ORC2: variants seen among roughly 807,000 people sequenced by gnomAD.
ORC2 encodes the protein origin recognition complex protein 2 homolog.
A neutral mutation model predicts 77.7 loss-of-function variants in ORC2; 37 were observed. That is an observed-to-expected ratio of 0.48 (90% CI 0.37 to 0.63). The LOEUF (loss-of-function observed/expected upper bound fraction) is 0.63, where lower values mean the gene tolerates loss of function less well. Ranked by LOEUF, ORC2 falls within the 20% of genes least tolerant of loss-of-function variation. The pLI is 0.00. For missense variants in ORC2, 557 were observed against 661.9 expected (o/e 0.84, Z 1.74); for synonymous variants, 201 against 229.5 (o/e 0.88, Z 1.12).
chr2:200,913,163 C>G, intron 17 of ORC2, 132 bp downstream of exon 17: 1 of 578,762 alleles, frequency 1.7e-6, no homozygotes, highest in Non-Finnish European at 2.9e-6. Flanking sequence ...ATGGCACATC[C>G]CCTAAATGAA....
intron 5 of ORC2, among the ~76,000 whole-genome samples, chr2:200,945,424 G>A (rs575290164): frequency 3.3e-5 from 5 of 150,800 alleles, no homozygotes; most frequent in African/African-American, 9.8e-5. Context: ...AGGTGTGGTG[G>A]CGTGTGACTT....
chr2:200,958,756 C>T (rs1003226467), intron 2 of ORC2, among the ~76,000 whole-genome samples: 1 of 152,196 alleles, frequency 6.6e-6, no homozygotes, highest in Admixed American at 6.5e-5. Context: ...ACACTCAGTT[C>T]CTCACTGAAC....
chr2:200,933,488 A>T (rs943709359), intron 10 of ORC2, among the ~76,000 whole-genome samples: 1 of 152,242 alleles, frequency 6.6e-6, no homozygotes, highest in African/African-American at 2.4e-5. Context: ...CCTGATGATT[A>T]TCATAGATCC....
rs1381802066 is a variant in ORC2, at chr2:200,913,469, T to C, written c.1529-56A>G. 10 of 1,512,618 alleles carry C rather than the reference T, an allele frequency of 6.6e-6. No homozygotes were observed. The Admixed American group carries it at 1.0e-4, about 15-fold the overall frequency. 93.7% of individuals were successfully genotyped at this position (1,512,618 alleles called of 1,614,324 possible). A position where few individuals can be genotyped will look rare whatever the true frequency, so the allele number is the denominator to read the frequency against. On this transcript the variant is annotated intron_variant, in intron 16 of 17. Coordinates refer to ENST00000234296, the MANE Select transcript of ORC2 (RefSeq NM_006190.5). Reference sequence around the variant, plus strand: ...TCAGCACTTAAGACATGACCCAATATACAAACACCCATACAAAAGAACAGA... The same window carrying C: ...TCAGCACTTAAGACATGACCCAATACACAAACACCCATACAAAAGAACAGA...
chr2:200,925,795 TAACTTTACTCTAA>T (rs1264461710), intron 13 of ORC2, 28 bp downstream of exon 13: 1 of 875,666 alleles, frequency 1.1e-6, no homozygotes, highest in East Asian at 2.5e-5. Context: ...AGTATATGCT[TAACTTTACTCTAA>T]AACTACCGAG....
chr2:200,939,784 G>T (rs905502729), intron 7 of ORC2, among the ~76,000 whole-genome samples: 5 of 152,098 alleles, frequency 3.3e-5, no homozygotes, highest in Admixed American at 1.3e-4. Context: ...GGTTTTTCTG[G>T]TTTTTTGGGA....
intron 15 of ORC2, among the ~76,000 whole-genome samples, chr2:200,919,461 C>G (rs746638438): frequency 2.0e-5 from 3 of 152,170 alleles, no homozygotes; most frequent in Non-Finnish European, 4.4e-5. Flanking sequence ...TGGGTTCAAG[C>G]AATTCTCCGG....
chr2:200,954,534 G>A (rs146983830), intron 4 of ORC2, among the ~76,000 whole-genome samples: 5 of 152,318 alleles, frequency 3.3e-5, no homozygotes, highest in Non-Finnish European at 5.9e-5. Flanking sequence ...GCCCATGCAT[G>A]TATGAACAGA....
rs869195693 is a variant in ORC2 at position 200,928,038 on chromosome 2, T to TA, written c.918-1139dup. ...CATCCCAGTTCTTCCTCTTCCTTCC[T>TA]AAAAAAAAAAAGTATTCTTTTTAAA... On this transcript the variant is annotated intron_variant, in intron 11 of 17. Coordinates refer to ENST00000234296, the MANE Select transcript of ORC2 (RefSeq NM_006190.5). Among the ~76,000 whole-genome samples, 612 of 139,954 alleles carry TA rather than the reference T, an allele frequency of 4.4e-3. 1 individual carries two copies. Among genetic ancestry groups the TA allele is most frequent in the African/African-American group, 0.012 (474 of 38,608 alleles). 91.8% of individuals were successfully genotyped at this position (139,954 alleles called of 152,430 possible).
chr2:200,957,566 T>C lies in ORC2; in HGVS notation c.95-22A>G, dbSNP rs201130361. 1.5e-5 allele frequency: 24 copies of C among 1,564,248 alleles called. No homozygotes were observed. The East Asian group carries it at 2.8e-4, about 18-fold the overall frequency. ...GCTCCTATAAGAACATCCAAAGAAA[T>C]AGAGCATGACAGGTATAAATTCTTT... On this transcript the variant is annotated intron_variant, in intron 3 of 17. Coordinates refer to ENST00000234296, the MANE Select transcript of ORC2 (RefSeq NM_006190.5).
chr2:200,909,420 AGCCCTTG>A lies in ORC2; in HGVS notation c.*1874_*1880del, dbSNP rs1404950659. On this transcript the variant is annotated 3_prime_UTR_variant, in exon 18 of 18. Transcript: ENST00000234296. ...TGACTAGAGGTTATATTTAAGACTA[AGCCCTTG>A]GCCAGGCATAGTGGCTCACCCCTGA... is the stretch of plus-strand genomic sequence containing the variant. 1 of 152,120 alleles carries A rather than the reference AGCCCTTG, an allele frequency of 6.6e-6. No individual in the cohort carries two copies. The highest frequency in any genetic ancestry group is 2.4e-5 in the African/African-American group (1 of 41,436). The allele number at this position is 152,120 out of a possible 1,614,324, so 9.4% of individuals were successfully genotyped here. A position where few individuals can be genotyped will look rare whatever the true frequency, so the allele number is the denominator to read the frequency against.
At chr2:200,913,235 T>C in intron 17 of ORC2, 60 bp downstream of exon 17, 1 of 1,278,172 alleles carries the variant, frequency 7.8e-7, no homozygotes. Context: ...CATATATGTG[T>C]CCTTAAGTAA....
intron 13 of ORC2, among the ~76,000 whole-genome samples, chr2:200,922,525 GTC>G (rs1237084928): frequency 1.3e-5 from 2 of 151,090 alleles, no homozygotes; most frequent in East Asian, 3.9e-4. Flanking sequence ...GTATTGATAA[GTC>G]TCTCTGGAGA....
At chr2:200,928,082 A>C (rs977823843) in intron 11 of ORC2, among the ~76,000 whole-genome samples, 2 of 151,734 alleles carry the variant, frequency 1.3e-5, no homozygotes, top group African/African-American at 4.8e-5. Flanking sequence ...TTGGCCGGGC[A>C]TGATGGCTCA....
In ORC2 at chr2:200,915,718, C is replaced by T. The variant is rs148170351; in HGVS notation, c.1467-1726G>A. 1.2e-3 allele frequency among the ~76,000 whole-genome samples: 180 copies of T among 150,938 alleles called. 1 individual carries two copies. The highest frequency in any genetic ancestry group is 4.3e-3 in the African/African-American group (175 of 41,114). Reference sequence around the variant, plus strand: ...AATGAACACTTTTTTTTTTTTGAGACAGAATCTCGCTGTTGCCCAGGTTGG... The same window carrying T: ...AATGAACACTTTTTTTTTTTTGAGATAGAATCTCGCTGTTGCCCAGGTTGG... On this transcript the variant is annotated intron_variant, in intron 15 of 17. Coordinates refer to ENST00000234296, the MANE Select transcript of ORC2 (RefSeq NM_006190.5).
At chr2:200,933,034 G>A (rs1026905523) in intron 10 of ORC2, among the ~76,000 whole-genome samples, 1 of 152,118 alleles carries the variant, frequency 6.6e-6, no homozygotes, top group Non-Finnish European at 1.5e-5. Context: ...TAAGTCTGAT[G>A]AAGTCCTATT....
At chr2:200,944,441 G>T (rs2041214964) in intron 5 of ORC2, among the ~76,000 whole-genome samples, 1 of 152,044 alleles carries the variant, frequency 6.6e-6, no homozygotes, top group Non-Finnish European at 1.5e-5. Context: ...CCAAAGTGCT[G>T]GGATTACAGG....
Position 200,913,364 on chromosome 2 carries a change from G to T in ORC2, c.1578C>A (p.Val526=). 1 of 1,600,596 alleles carries T rather than the reference G, an allele frequency of 6.2e-7. No individual in the cohort carries two copies. The highest frequency in any genetic ancestry group is 1.1e-5 in the South Asian group (1 of 90,896). The part of the protein sequence containing the change: ...FYQQCREAFL[V]NSDLTLRAQL... ...GGGCCCGGAGTGTCAGATCACTATT[G>T]ACGAGGAATGCCTCCCGACACTGCT... Residue 526 remains valine, a synonymous_variant, in exon 17 of 18, where the codon GTC becomes GTA. Transcript: ENST00000234296.
intron 7 of ORC2, among the ~76,000 whole-genome samples, chr2:200,938,735 G>T (rs2041094790): frequency 1.3e-5 from 2 of 152,206 alleles, no homozygotes; most frequent in African/African-American, 4.8e-5. Flanking sequence ...AATCTGATTT[G>T]ATTTTAAGAA....
Sources: allele counts gnomAD v4.1 joint callset (sites outside exome capture counted in the v4.1 genomes callset), GRCh38; gene constraint gnomAD v4.1.1; transcripts MANE v1.5; gene names NCBI Gene and HGNC (gene_info 2026-07-23, HGNC 2026-07-21).